Variants in FANCI observed in about 807,000 individuals in gnomAD.
The protein encoded by FANCI is Fanconi anemia group I protein.
A neutral mutation model predicts 176.1 loss-of-function variants in FANCI; 156 were observed. That is an observed-to-expected ratio of 0.89 (90% CI 0.78 to 1.01). The LOEUF (loss-of-function observed/expected upper bound fraction) is 1.01, where lower values mean the gene tolerates loss of function less well. FANCI is among the 50% of genes least tolerant of loss of function. The probability of loss-of-function intolerance (pLI) is 0.00; values close to 1 mark genes in which losing one functional copy is unlikely to be tolerated. For synonymous variants in FANCI, 613 were observed against 541.7 expected, an observed-to-expected ratio of 1.13 and a Z score of -1.83; for missense variants, 1,678 against 1,534.1, an observed-to-expected ratio of 1.09 and a Z score of -1.57.
At chr15:89,300,973 G>A (rs1301522021) in intron 26 of FANCI, among the ~76,000 whole-genome samples, 1 of 152,196 alleles carries the variant, frequency 6.6e-6, no homozygotes, top group African/African-American at 2.4e-5. Context: ...TAACAGGGAA[G>A]GTATATAAGC....
intron 10 of FANCI, among the ~76,000 whole-genome samples, chr15:89,271,364 T>A (rs1257539290): frequency 6.6e-6 from 1 of 152,232 alleles, no homozygotes; most frequent in Non-Finnish European, 1.5e-5. Flanking sequence ...TCTCTATAGA[T>A]TTACCTTTCC....
At chr15:89,272,473 A>G (rs1263765037) in intron 10 of FANCI, among the ~76,000 whole-genome samples, 1 of 152,032 alleles carries the variant, frequency 6.6e-6, no homozygotes, top group African/African-American at 2.4e-5. Context: ...GAAGTACAAA[A>G]GTTTTAAATT....
rs781632245 is a variant in FANCI, at chr15:89,254,201, AT to A, written c.85-4502del. Among the ~76,000 whole-genome samples the A allele has an allele frequency of 9.4e-4, 143 of 152,246 alleles. 1 individual carries two copies. Among genetic ancestry groups the A allele is most frequent in the Non-Finnish European group, 1.7e-3 (118 of 68,006 alleles). Reference sequence around the variant, plus strand: ...GGTCAAATCCTGTCTCTATAAAAAAATAAATAAATAAATTTTAAAAAGATGC... The same window carrying A: ...GGTCAAATCCTGTCTCTATAAAAAAAAAATAAATAAATTTTAAAAAGATGC... On this transcript the variant is annotated intron_variant, in intron 2 of 37. Coordinates refer to ENST00000310775, the MANE Select transcript of FANCI (RefSeq NM_001113378.2).
intron 34 of FANCI, chr15:89,308,005 C>T: frequency 8.1e-7 from 1 of 1,227,972 alleles, no homozygotes; most frequent in Non-Finnish European, 1.0e-6. Context: ...GGAATGTGAG[C>T]AGAGTAGCAG....
Position 89,291,666 on chromosome 15 carries a change from A to G in FANCI, c.1944A>G (p.Glu648=), listed in dbSNP as rs752690749. ...ATCTGCTGCCTCCTCTGAAATTAGA[A>G]GCTTGTATTCTGACCCAAGGAGATA... ...KPDLLPPLKL[E]ACILTQGDKI... Residue 648 remains glutamate (E), a synonymous_variant, in exon 20 of 38, where the codon GAA becomes GAG. Coordinates refer to ENST00000310775, the MANE Select transcript of FANCI (RefSeq NM_001113378.2). The G allele has an allele frequency of 6.2e-7, 1 of 1,613,898 alleles. No homozygotes were observed. Among genetic ancestry groups the G allele is most frequent in the South Asian group, 1.1e-5 (1 of 91,082 alleles).
At chr15:89,292,581 T>C in intron 20 of FANCI, 107 bp from the exon 21 acceptor site, 1 of 1,114,976 alleles carries the variant, frequency 9.0e-7, no homozygotes, top group Non-Finnish European at 1.3e-6. Flanking sequence ...CGCCAATGAA[T>C]CATTTTCTTT....
chr15:89,284,331 TAGG>T (rs942298270), intron 17 of FANCI, among the ~76,000 whole-genome samples: 1 of 152,230 alleles, frequency 6.6e-6, no homozygotes, highest in Non-Finnish European at 1.5e-5. Context: ...GATTTATAAA[TAGG>T]AGACATTTAT....
At chr15:89,263,620 G>A (rs938078793) in intron 7 of FANCI, among the ~76,000 whole-genome samples, 160 bp downstream of exon 7, 1 of 151,946 alleles carries the variant, frequency 6.6e-6, no homozygotes, top group Non-Finnish European at 1.5e-5. Context: ...CCTCACTCCT[G>A]CCTCCTTTTT....
At chr15:89,280,339 C>G (rs2151536310) in intron 14 of FANCI, among the ~76,000 whole-genome samples, 1 of 152,292 alleles carries the variant, frequency 6.6e-6, no homozygotes, top group East Asian at 1.9e-4. Context: ...GCTCTTTATC[C>G]TGGCACTGAA....
rs575232154 is a variant in FANCI, at chr15:89,274,105, C to G, written c.976-63C>G. 182 of 1,229,994 alleles carry G rather than the reference C, an allele frequency of 1.5e-4. 1 individual carries two copies. The highest frequency in any genetic ancestry group is 3.5e-5 in the Non-Finnish European group (31 of 877,966). The allele number at this position is 1,229,994 out of a possible 1,614,324, so 76.2% of individuals were successfully genotyped here. On this transcript the variant is annotated intron_variant, in intron 11 of 37. Coordinates refer to ENST00000310775, the MANE Select transcript of FANCI (RefSeq NM_001113378.2). ...GCTTTATTTTCTTATTTCTTTCATTCTGTTAGGTGCTTGATCTTTTATTTA... is the reference window on the plus strand; with the variant it reads ...GCTTTATTTTCTTATTTCTTTCATTGTGTTAGGTGCTTGATCTTTTATTTA...
chr15:89,290,088 C>G (rs974664336), intron 18 of FANCI, 125 bp from the exon 19 acceptor site: 12 of 789,410 alleles, frequency 1.5e-5, no homozygotes, highest in Non-Finnish European at 2.6e-5. Flanking sequence ...TTAGGACTGT[C>G]AAATATGGTC....
rs1318536714 is a variant in FANCI at position 89,307,724 on chromosome 15, C to T, written c.3651+52C>T. The T allele has an allele frequency of 3.1e-6, 5 of 1,614,046 alleles. No homozygotes were observed. The East Asian group carries it at 1.1e-4, about 36-fold the overall frequency. ...TAGGTCTTCAAGAAAGGATTTCTTA[C>T]ATGCCCAGGGGACTATTGATCACCT... On this transcript the variant is annotated intron_variant, in intron 34 of 37. Coordinates refer to ENST00000310775, the MANE Select transcript of FANCI (RefSeq NM_001113378.2).
intron 2 of FANCI, among the ~76,000 whole-genome samples, chr15:89,255,436 G>C (rs915537231): frequency 6.6e-6 from 1 of 152,140 alleles, no homozygotes; most frequent in African/African-American, 2.4e-5. Context: ...TGATCTTAAA[G>C]TGTCTCCCTA....
chr15:89,258,168 T>G (rs150689355), intron 2 of FANCI, among the ~76,000 whole-genome samples: 1 of 152,174 alleles, frequency 6.6e-6, no homozygotes, highest in African/African-American at 2.4e-5. Flanking sequence ...GGAATATCCT[T>G]CTCTAACGCC....
chr15:89,258,861 A>G (rs2052604545), intron 3 of FANCI, 85 bp downstream of exon 3: 1 of 1,001,536 alleles, frequency 1.0e-6, no homozygotes, highest in South Asian at 1.3e-5. Flanking sequence ...TACGGTTTGA[A>G]GCCCCACTGG....
chr15:89,263,804 T>C lies in FANCI; in HGVS notation c.546-99T>C, dbSNP rs75598501. 6.3e-4 allele frequency: 863 copies of C among 1,364,730 alleles called. 2 individuals are homozygous for C. In the African/African-American group the frequency reaches 0.011, roughly 18 times the overall value. The allele number at this position is 1,364,730 out of a possible 1,614,324, so 84.5% of individuals were successfully genotyped here. A position where few individuals can be genotyped will look rare whatever the true frequency, so the allele number is the denominator to read the frequency against. ...CTCCCAAGTTTCATTTCTTAAAATA[T>C]GTTTAATGGAATTTTAACCACTGTA... is the stretch of plus-strand genomic sequence containing the variant. On this transcript the variant is annotated intron_variant, in intron 7 of 37. Coordinates refer to ENST00000310775, the MANE Select transcript of FANCI (RefSeq NM_001113378.2).
At position 89,281,213 on chromosome 15, in the gene FANCI, A is replaced by G. The variant is rs770634041; in HGVS notation, c.1425A>G (p.Gln475=). ...TCATGTATGCACCCTTAGTTCTTCAAAGTTGTTCTTCTAAAGTCACAGAAG... is the reference window on the plus strand; with the variant it reads ...TCATGTATGCACCCTTAGTTCTTCAGAGTTGTTCTTCTAAAGTCACAGAAG... ...NIVMYAPLVL[Q]SCSSKVTEAF... The change falls in exon 15 of 38, where the codon CAA becomes CAG. Residue 475 remains glutamine (Q), a synonymous_variant. Transcript: ENST00000310775. The G allele has an allele frequency of 6.8e-6, 11 of 1,613,876 alleles. No homozygotes were observed. Among genetic ancestry groups the G allele is most frequent in the South Asian group, 3.3e-5 (3 of 91,076 alleles).
At chr15:89,250,381 C>G (rs954086274) in intron 2 of FANCI, among the ~76,000 whole-genome samples, 2 of 152,124 alleles carry the variant, frequency 1.3e-5, no homozygotes, top group Non-Finnish European at 2.9e-5. Context: ...ATGATGAGTT[C>G]ATGTCCTTTG....
intron 1 of FANCI, chr15:89,245,837 C>T (rs2051942150): frequency 6.6e-6 from 1 of 152,338 alleles, no homozygotes; most frequent in South Asian, 2.1e-4. Context: ...GTCACATAAT[C>T]AGGTTTGTGT....
Sources: gnomAD v4.1 joint callset for allele counts (sites outside exome capture counted in the v4.1 genomes callset) on GRCh38, gnomAD v4.1.1 for gene constraint, MANE v1.5 for transcripts, NCBI Gene and HGNC (gene_info 2026-07-23, HGNC 2026-07-21) for gene names.